UQCC1: variants seen among roughly 807,000 people sequenced by gnomAD.
UQCC1 encodes ubiquinol-cytochrome c reductase complex assembly factor 1.
UQCC1 carries 38 observed loss-of-function variants against 48.0 expected under a neutral mutation model. The ratio of observed to expected loss-of-function variants is 0.79; its 90% CI spans 0.61 to 1.04. The LOEUF (loss-of-function observed/expected upper bound fraction) is 1.04. UQCC1 is among the 50% of genes least tolerant of loss of function. The probability of loss-of-function intolerance (pLI) is 0.00; values close to 1 mark genes in which losing one functional copy is unlikely to be tolerated. For synonymous variants in UQCC1, 111 were observed against 129.2 expected, an observed-to-expected ratio of 0.86 and a Z score of 0.95; for missense variants, 368 against 381.8, an observed-to-expected ratio of 0.96 and a Z score of 0.30.
At chr20:35,402,304 C>T (rs183353824) in intron 1 of UQCC1, among the ~76,000 whole-genome samples, 158 of 152,146 alleles carry the variant, frequency 1.0e-3, no homozygotes, top group African/African-American at 3.6e-3. Context: ...ATAGGCCGGG[C>T]GCGGTGGCTT....
chr20:35,406,938 T>C (rs374560456), intron 1 of UQCC1, among the ~76,000 whole-genome samples: 2 of 152,184 alleles, frequency 1.3e-5, no homozygotes, highest in Non-Finnish European at 2.9e-5. Flanking sequence ...AAGATGTTCA[T>C]TGTAATCCCA....
intron 1 of UQCC1, among the ~76,000 whole-genome samples, chr20:35,399,224 A>G (rs931059734): frequency 6.6e-6 from 1 of 152,332 alleles, no homozygotes; most frequent in East Asian, 1.9e-4. Flanking sequence ...CGAATTATAC[A>G]AGCCCTGCTT....
intron 7 of UQCC1, among the ~76,000 whole-genome samples, chr20:35,341,419 A>C (rs1026173656): frequency 7.2e-5 from 11 of 152,202 alleles, no homozygotes; most frequent in African/African-American, 2.4e-4. Context: ...CAGCAAACAA[A>C]TATCCTCAGA....
intron 4 of UQCC1, among the ~76,000 whole-genome samples, chr20:35,379,711 C>A (rs988778513): frequency 1.3e-5 from 2 of 152,076 alleles, no homozygotes; most frequent in Non-Finnish European, 2.9e-5. Context: ...GAGGCTGAGG[C>A]AGGAAAATTG....
intron 6 of UQCC1, among the ~76,000 whole-genome samples, chr20:35,365,120 G>A (rs886259684): frequency 2.0e-5 from 3 of 152,142 alleles, no homozygotes; most frequent in Non-Finnish European, 2.9e-5. Context: ...TACCTGATGC[G>A]TGGCACATTT....
At chr20:35,338,880 A>ATATATATAT (rs1568666082) in intron 7 of UQCC1, among the ~76,000 whole-genome samples, 2 of 60,496 alleles carry the variant, frequency 3.3e-5, no homozygotes, top group African/African-American at 4.4e-4. Flanking sequence ...AAAAAAAAAA[A>ATATATATAT]AAAAAAAAAA....
intron 1 of UQCC1, chr20:35,410,067 A>G (rs1039368378): frequency 2.0e-5 from 3 of 151,904 alleles, no homozygotes; most frequent in Non-Finnish European, 4.4e-5. Flanking sequence ...CAGCCTCCCA[A>G]TGTGCTGGGA....
At chr20:35,403,607 C>T (rs2062201911) in intron 1 of UQCC1, among the ~76,000 whole-genome samples, 2 of 152,204 alleles carry the variant, frequency 1.3e-5, no homozygotes, top group Admixed American at 6.5e-5. Context: ...AAGACACACA[C>T]ACACGTATGT....
Position 35,382,040 on chromosome 20 carries a change from A to G in UQCC1, c.226-15T>C, listed in dbSNP as rs1421669242. On this transcript the variant is annotated splice_polypyrimidine_tract_variant and intron_variant, in intron 3 of 9. Transcript: ENST00000374385. ...GTAGTAGAAAGCTGATTAACCAAAAAGAAAAAAACTAAAATTAGTTGCAAA... is the reference window on the plus strand; with the variant it reads ...GTAGTAGAAAGCTGATTAACCAAAAGGAAAAAAACTAAAATTAGTTGCAAA... The G allele has an allele frequency of 6.5e-7, 1 of 1,547,676 alleles. No individual in the cohort carries two copies. Among genetic ancestry groups the G allele is most frequent in the African/African-American group, 1.4e-5 (1 of 72,020 alleles).
chr20:35,306,833 C>T (rs1376302350), intron 8 of UQCC1, 54 bp from the exon 9 acceptor site: 1 of 1,376,278 alleles, frequency 7.3e-7, no homozygotes, highest in South Asian at 1.2e-5. Context: ...AGCCAGGACA[C>T]AGACGGTGGG....
At chr20:35,398,297 T>A (rs935908476) in intron 1 of UQCC1, among the ~76,000 whole-genome samples, 1 of 152,222 alleles carries the variant, frequency 6.6e-6, no homozygotes, top group African/African-American at 2.4e-5. Flanking sequence ...ATCACCTCTG[T>A]GAGCCTTGGT....
chr20:35,400,633 C>G (rs1168143412), intron 1 of UQCC1, among the ~76,000 whole-genome samples: 1 of 151,884 alleles, frequency 6.6e-6, no homozygotes, highest in Admixed American at 6.6e-5. Flanking sequence ...GTAGCTGGGA[C>G]TACAGGCGCC....
intron 4 of UQCC1, among the ~76,000 whole-genome samples, chr20:35,379,138 C>T (rs1263563046): frequency 2.0e-5 from 3 of 152,132 alleles, no homozygotes; most frequent in African/African-American, 4.8e-5. Flanking sequence ...TCACCTGATA[C>T]TGCATATAAA....
At chr20:35,374,061 A>T in intron 5 of UQCC1, 123 bp downstream of exon 5, 1 of 693,602 alleles carries the variant, frequency 1.4e-6, no homozygotes, top group South Asian at 1.9e-5. Context: ...AGTTTGGATT[A>T]TATGCTTTGT....
chr20:35,378,097 T>C (rs2061823929), intron 4 of UQCC1, among the ~76,000 whole-genome samples: 1 of 152,182 alleles, frequency 6.6e-6, no homozygotes, highest in Non-Finnish European at 1.5e-5. Flanking sequence ...GGGACTGAAT[T>C]TTCAACCAGT....
At chr20:35,342,431 A>C (rs1442811187) in intron 7 of UQCC1, among the ~76,000 whole-genome samples, 2 of 152,256 alleles carry the variant, frequency 1.3e-5, no homozygotes, top group African/African-American at 4.8e-5. Context: ...GGAAAAATTA[A>C]GTAAAGCGCC....
At chr20:35,304,219 C>T in intron 9 of UQCC1, 150 bp from the exon 10 acceptor site, 3 of 1,014,806 alleles carry the variant, frequency 3.0e-6, no homozygotes, top group Non-Finnish European at 4.3e-6. Flanking sequence ...ACCAAGCCGT[C>T]CCAGGCCAAG....
At chr20:35,321,514 T>A (rs2146325057) in intron 7 of UQCC1, among the ~76,000 whole-genome samples, 1 of 152,320 alleles carries the variant, frequency 6.6e-6, no homozygotes, top group East Asian at 1.9e-4. Flanking sequence ...CATTTCAAAC[T>A]TTTAATGTAC....
At chr20:35,383,009 G>A (rs1376975937) in intron 3 of UQCC1, among the ~76,000 whole-genome samples, 3 of 151,892 alleles carry the variant, frequency 2.0e-5, no homozygotes, top group Non-Finnish European at 4.4e-5. Flanking sequence ...AGGAAATCTT[G>A]ACCCCCATCT....
Sources: gnomAD v4.1 joint callset for allele counts (sites outside exome capture counted in the v4.1 genomes callset) on GRCh38, gnomAD v4.1.1 for gene constraint, MANE v1.5 for transcripts, NCBI Gene and HGNC (gene_info 2026-07-23, HGNC 2026-07-21) for gene names.